MAPKAP1: variants seen among roughly 807,000 people sequenced by gnomAD.
MAPKAP1 encodes MAPK associated protein 1, also known as target of rapamycin complex 2 subunit MAPKAP1.
MAPKAP1 carries 20 observed loss-of-function variants against 65.7 expected under a neutral mutation model. The observed-to-expected ratio is 0.30, with a 90% CI of 0.21 to 0.44. The LOEUF (loss-of-function observed/expected upper bound fraction) is 0.44. Ranked by LOEUF, MAPKAP1 falls within the 20% of genes least tolerant of loss-of-function variation. MAPKAP1 has a pLI of 1.00. For synonymous variants in MAPKAP1, 222 were observed against 244.3 expected, an observed-to-expected ratio of 0.91 and a Z score of 0.85; for missense variants, 423 against 648.0, an observed-to-expected ratio of 0.65 and a Z score of 3.77.
chr9:125,484,209 AAG>A (rs1474316981), intron 9 of MAPKAP1, among the ~76,000 whole-genome samples: 1 of 152,236 alleles, frequency 6.6e-6, no homozygotes, highest in African/African-American at 2.4e-5. Flanking sequence ...TCAGTTTGAA[AAG>A]AGTCTCAAGT....
chr9:125,687,656 A>G (rs1835025399), intron 1 of MAPKAP1, among the ~76,000 whole-genome samples: 1 of 151,762 alleles, frequency 6.6e-6, no homozygotes, highest in Non-Finnish European at 1.5e-5. Context: ...ATGGGGGCAC[A>G]TGCCTGTAGT....
At chr9:125,705,970 G>C (rs1024576855) in intron 1 of MAPKAP1, among the ~76,000 whole-genome samples, 4 of 152,178 alleles carry the variant, frequency 2.6e-5, no homozygotes, top group Non-Finnish European at 5.9e-5. Flanking sequence ...GAGATGTAAG[G>C]GGGTGTAAGT....
At chr9:125,453,738 T>C (rs1286151285) in intron 10 of MAPKAP1, among the ~76,000 whole-genome samples, 1 of 152,238 alleles carries the variant, frequency 6.6e-6, no homozygotes, top group East Asian at 1.9e-4. Flanking sequence ...AAAATATTGG[T>C]TCACTGAGTT....
chr9:125,555,688 A>G (rs1304875618), intron 6 of MAPKAP1, among the ~76,000 whole-genome samples: 1 of 152,272 alleles, frequency 6.6e-6, no homozygotes, highest in African/African-American at 2.4e-5. Flanking sequence ...CTGGGTGCTC[A>G]GGATACAGAG....
chr9:125,590,737 C>T (rs1366676734), intron 4 of MAPKAP1, among the ~76,000 whole-genome samples: 4 of 151,962 alleles, frequency 2.6e-5, no homozygotes, highest in Non-Finnish European at 4.4e-5. Flanking sequence ...CTAATTATAT[C>T]ATTTAATTCA....
Position 125,438,320 on chromosome 9 carries a change from T to C in MAPKAP1, c.*567A>G, listed in dbSNP as rs1852364643. 7 of 398,812 alleles carry C rather than the reference T, an allele frequency of 1.8e-5. No homozygotes were observed. The South Asian group carries it at 3.8e-4, about 22-fold the overall frequency. The allele number at this position is 398,812 out of a possible 1,614,324, so 24.7% of individuals were successfully genotyped here. On this transcript the variant is annotated 3_prime_UTR_variant, in exon 12 of 12. Transcript: ENST00000265960. ...AATGCACTCATTTAAACAAATGGCA[T>C]AGTTAAAACTATTGACTAAGACCTA...
At chr9:125,458,217 CTTTTTTTT>C (rs35230535) in intron 10 of MAPKAP1, among the ~76,000 whole-genome samples, 1 of 133,766 alleles carries the variant, frequency 7.5e-6, no homozygotes, top group African/African-American at 2.8e-5. Context: ...CATATGGAGT[CTTTTTTTT>C]TTTTTTTTTA....
chr9:125,706,362 G>A (rs1835759243), intron 1 of MAPKAP1, among the ~76,000 whole-genome samples: 4 of 151,948 alleles, frequency 2.6e-5, no homozygotes, highest in Admixed American at 2.6e-4. Flanking sequence ...GTACTGTGGT[G>A]GGCTTCCAAA....
chr9:125,539,304 A>C (rs1412596581), intron 7 of MAPKAP1, among the ~76,000 whole-genome samples: 1 of 152,216 alleles, frequency 6.6e-6, no homozygotes, highest in Non-Finnish European at 1.5e-5. Flanking sequence ...GAATAAGAAA[A>C]AGTTAAGATG....
At chr9:125,523,764 G>C (rs1212983722) in intron 7 of MAPKAP1, among the ~76,000 whole-genome samples, 1 of 152,192 alleles carries the variant, frequency 6.6e-6, no homozygotes, top group Non-Finnish European at 1.5e-5. Flanking sequence ...CCCTGGATAA[G>C]CTGTGGCTCT....
intron 3 of MAPKAP1, among the ~76,000 whole-genome samples, chr9:125,659,313 CA>C (rs1224550900): frequency 1.3e-5 from 2 of 152,094 alleles, no homozygotes; most frequent in African/African-American, 4.8e-5. Context: ...TGAGGAATCC[CA>C]AACATAAGTA....
chr9:125,531,754 A>G (rs910157956), intron 7 of MAPKAP1, among the ~76,000 whole-genome samples: 5 of 152,202 alleles, frequency 3.3e-5, no homozygotes, highest in African/African-American at 1.2e-4. Flanking sequence ...TATAGTCAAC[A>G]TTTTACAATA....
chr9:125,597,034 G>A (rs148008963), intron 4 of MAPKAP1, among the ~76,000 whole-genome samples: 1,585 of 150,808 alleles, frequency 0.011, 34 homozygotes, highest in African/African-American at 0.037. Flanking sequence ...AGGCCAAGGC[G>A]GGCAGATCAC....
At chr9:125,631,701 T>A (rs989833666) in intron 4 of MAPKAP1, among the ~76,000 whole-genome samples, 5 of 152,174 alleles carry the variant, frequency 3.3e-5, no homozygotes, top group African/African-American at 1.2e-4. Flanking sequence ...GTCTCTCACC[T>A]CCTCTGCTCT....
chr9:125,519,481 A>T (rs1352664457), intron 7 of MAPKAP1, among the ~76,000 whole-genome samples: 1 of 151,712 alleles, frequency 6.6e-6, no homozygotes, highest in Non-Finnish European at 1.5e-5. Flanking sequence ...AGAAAATAAA[A>T]ATTAGCCTGG....
chr9:125,524,022 C>T (rs1052502701), intron 7 of MAPKAP1, among the ~76,000 whole-genome samples: 3 of 152,250 alleles, frequency 2.0e-5, no homozygotes, highest in Non-Finnish European at 4.4e-5. Flanking sequence ...AGAACACAAG[C>T]CTTGGTGAGT....
chr9:125,545,610 T>C (rs1380289309), intron 6 of MAPKAP1, among the ~76,000 whole-genome samples: 1 of 152,236 alleles, frequency 6.6e-6, no homozygotes, highest in Non-Finnish European at 1.5e-5. Context: ...CCTCCTAATC[T>C]GCTGCCGGCT....
chr9:125,666,153 G>C (rs1834334144), intron 3 of MAPKAP1, among the ~76,000 whole-genome samples: 1 of 152,172 alleles, frequency 6.6e-6, no homozygotes. Flanking sequence ...CCCTTCTGAT[G>C]ACACCATGTT....
chr9:125,587,538 C>G (rs569656184), intron 4 of MAPKAP1, among the ~76,000 whole-genome samples: 1 of 152,272 alleles, frequency 6.6e-6, no homozygotes, highest in South Asian at 2.1e-4. Context: ...TGCACTCCAG[C>G]CTGGGCAACA....
Sources: gnomAD v4.1 joint callset for allele counts (sites outside exome capture counted in the v4.1 genomes callset) on GRCh38, gnomAD v4.1.1 for gene constraint, MANE v1.5 for transcripts, NCBI Gene and HGNC (gene_info 2026-07-23, HGNC 2026-07-21) for gene names.